SPMIP3: variants seen among roughly 807,000 people sequenced by gnomAD.
SPMIP3 encodes sperm microtubule inner protein 3.
the SPMIP3 span, chr1:244,378,776 G>A: frequency 2.1e-6 from 2 of 936,926 alleles, no homozygotes; most frequent in African/African-American, 1.7e-5. Flanking sequence ...GTGTGTGTGT[G>A]TTTCTGGGGT....
chr1:244,377,406 C>A, the SPMIP3 span, among the ~76,000 whole-genome samples: 1 of 152,240 alleles, frequency 6.6e-6, no homozygotes, highest in South Asian at 2.1e-4. Flanking sequence ...CAGGCGTGAG[C>A]CACCACGCCC....
the SPMIP3 span, among the ~76,000 whole-genome samples, chr1:244,355,846 G>A: frequency 7.6e-4 from 116 of 152,124 alleles, no homozygotes; most frequent in Middle Eastern, 0.024. Context: ...GGTTTCTTTC[G>A]TCAACATTTT....
the SPMIP3 span, among the ~76,000 whole-genome samples, chr1:244,379,680 A>C: frequency 1.3e-5 from 2 of 152,186 alleles, no homozygotes; most frequent in Non-Finnish European, 2.9e-5. Flanking sequence ...TGCAGCATGT[A>C]AAAAAATACT....
the SPMIP3 span, among the ~76,000 whole-genome samples, chr1:244,382,490 A>G: frequency 6.6e-6 from 1 of 152,062 alleles, no homozygotes; most frequent in Non-Finnish European, 1.5e-5. Flanking sequence ...AGTGAGAGTG[A>G]TCAGACAACT....
chr1:244,380,111 C>T, the SPMIP3 span, among the ~76,000 whole-genome samples: 2 of 146,038 alleles, frequency 1.4e-5, no homozygotes, highest in Non-Finnish European at 3.0e-5. Flanking sequence ...TTACTTCATT[C>T]ACAGAGTTTT....
the SPMIP3 span, among the ~76,000 whole-genome samples, chr1:244,378,959 C>T: frequency 7.1e-4 from 108 of 152,164 alleles, 1 homozygote; most frequent in South Asian, 1.0e-2. Context: ...GACGGAGTCT[C>T]GCTCTGTCAC....
chr1:244,384,950 G>A, the SPMIP3 span, among the ~76,000 whole-genome samples: 9 of 152,162 alleles, frequency 5.9e-5, no homozygotes, highest in African/African-American at 1.9e-4. Flanking sequence ...CACCCAGGCT[G>A]GAGTGCAGTG....
the SPMIP3 span, among the ~76,000 whole-genome samples, chr1:244,378,085 G>C: frequency 1.3e-5 from 2 of 152,196 alleles, no homozygotes; most frequent in Non-Finnish European, 2.9e-5. Context: ...GGGATTACAG[G>C]CGTGAGCCAC....
At chr1:244,381,892 C>T in the SPMIP3 span, among the ~76,000 whole-genome samples, 1 of 152,198 alleles carries the variant, frequency 6.6e-6, no homozygotes, top group Non-Finnish European at 1.5e-5. Flanking sequence ...GGTCATGCCA[C>T]TGCGCATGAC....
At chr1:244,385,550 T>C in the SPMIP3 span, among the ~76,000 whole-genome samples, 1 of 152,156 alleles carries the variant, frequency 6.6e-6, no homozygotes, top group Non-Finnish European at 1.5e-5. Flanking sequence ...TTTTCCAAAA[T>C]AAAATATATG....
the SPMIP3 span, among the ~76,000 whole-genome samples, chr1:244,382,975 T>C: frequency 3.3e-5 from 5 of 151,800 alleles, no homozygotes; most frequent in Non-Finnish European, 5.9e-5. Flanking sequence ...AACAATTTAA[T>C]AGGTTAGACC....
At chr1:244,379,818 A>G in the SPMIP3 span, among the ~76,000 whole-genome samples, 1 of 152,018 alleles carries the variant, frequency 6.6e-6, no homozygotes, top group East Asian at 2.0e-4. Context: ...TGTCTCTACT[A>G]AAAATACAAA....
chr1:244,387,170 C>T, the SPMIP3 span, among the ~76,000 whole-genome samples: 2 of 151,962 alleles, frequency 1.3e-5, no homozygotes, highest in East Asian at 1.9e-4. Flanking sequence ...GGGGTGGTGG[C>T]GGGCACCTGT....
the SPMIP3 span, among the ~76,000 whole-genome samples, chr1:244,380,673 C>T: frequency 1.3e-5 from 2 of 152,184 alleles, no homozygotes; most frequent in East Asian, 1.9e-4. Flanking sequence ...CTCTGTCACA[C>T]CTGAGCGTCA....
At chr1:244,371,118 C>T in the SPMIP3 span, among the ~76,000 whole-genome samples, 2 of 152,172 alleles carry the variant, frequency 1.3e-5, no homozygotes, top group Non-Finnish European at 2.9e-5. Context: ...GCCCAGATCC[C>T]ACTCCATTTA....
At chr1:244,371,830 G>T in the SPMIP3 span, among the ~76,000 whole-genome samples, 3 of 152,204 alleles carry the variant, frequency 2.0e-5, no homozygotes, top group South Asian at 2.1e-4. Context: ...CCACCCCTGT[G>T]CATTCAGAAA....
the SPMIP3 span, among the ~76,000 whole-genome samples, chr1:244,361,235 C>CTT: frequency 3.4e-5 from 4 of 119,306 alleles, 1 homozygote; most frequent in East Asian, 2.4e-4. Flanking sequence ...TTCTTTCTTT[C>CTT]TTTTTTTTTT....
chr1:244,370,268 G>A, the SPMIP3 span, among the ~76,000 whole-genome samples: 15 of 152,172 alleles, frequency 9.9e-5, no homozygotes, highest in Non-Finnish European at 1.8e-4. Context: ...AGGAAACTGA[G>A]GCTCCCCACT....
the SPMIP3 span, among the ~76,000 whole-genome samples, chr1:244,364,252 C>A: frequency 6.6e-6 from 1 of 151,918 alleles, no homozygotes; most frequent in African/African-American, 2.4e-5. Context: ...CTACAGGCGC[C>A]CGCCACCAGG....
Sources: gnomAD v4.1 joint callset for allele counts (sites outside exome capture counted in the v4.1 genomes callset) on GRCh38, gnomAD v4.1.1 for gene constraint, MANE v1.5 for transcripts, NCBI Gene and HGNC (gene_info 2026-07-23, HGNC 2026-07-21) for gene names.